Variants in OSTN observed in about 807,000 individuals in gnomAD.
OSTN encodes the protein osteocrin.
OSTN carries 9 observed loss-of-function variants against 12.0 expected under a neutral mutation model. That is an observed-to-expected ratio of 0.75 (90% CI 0.45 to 1.30). The LOEUF is 1.30. Among genes scored for constraint, OSTN ranks in the 50% most tolerant of loss-of-function variants. The pLI is 0.00. For synonymous variants in OSTN, 59 were observed against 56.9 expected (o/e 1.04, Z -0.16); for missense variants, 148 against 152.3 (o/e 0.97, Z 0.15).
At chr3:191,210,134 C>T (rs1272932136) in intron 1 of OSTN, among the ~76,000 whole-genome samples, 1 of 152,212 alleles carries the variant, frequency 6.6e-6, no homozygotes, top group Non-Finnish European at 1.5e-5. Context: ...CACGTCTTCA[C>T]ATGGCCAGAG....
chr3:191,218,973 CAG>C lies in OSTN; in HGVS notation c.317+14_317+15del, dbSNP rs1714696059. The C allele has an allele frequency of 6.3e-7, 1 of 1,585,006 alleles. No individual in the cohort carries two copies. The highest frequency in any genetic ancestry group is 8.6e-7 in the Non-Finnish European group (1 of 1,167,842). The stretch of plus-strand genomic sequence containing the variant: ...AAAGGTAAACAGAGGTAAGTGAACT[CAG>C]AAAAAGAAAGTTTTTATTTTCTAAT... On this transcript the variant is annotated intron_variant, in intron 3 of 4. Transcript: ENST00000682035.
At chr3:191,248,479 T>G (rs1715487959) in intron 3 of OSTN, among the ~76,000 whole-genome samples, 2 of 152,226 alleles carry the variant, frequency 1.3e-5, no homozygotes, top group Non-Finnish European at 2.9e-5. Context: ...TAAATAAGTA[T>G]AGTTTAATAA....
In OSTN at chr3:191,217,054, G is replaced by A. The variant is rs151261826; in HGVS notation, c.103-1693G>A. 1.8e-4 allele frequency: 28 copies of A among 152,340 alleles called. No individual in the cohort carries two copies. The East Asian group carries it at 5.4e-3, about 29-fold the overall frequency. 9.4% of individuals were successfully genotyped at this position (152,340 alleles called of 1,614,324 possible). On this transcript the variant is annotated intron_variant, in intron 2 of 4. Coordinates refer to ENST00000682035, the MANE Select transcript of OSTN (RefSeq NM_198184.2). ...CAGTGTGTTATTTATAAAGGAAAGA[G>A]GTTTAATTGACTTACAGTTCTGCAT...
intron 3 of OSTN, among the ~76,000 whole-genome samples, chr3:191,230,951 T>A (rs1274497785): frequency 6.6e-6 from 1 of 152,224 alleles, no homozygotes; most frequent in East Asian, 1.9e-4. Context: ...GCATGAGGCA[T>A]TTGCACAGAA....
At chr3:191,215,886 G>T (rs1017123663) in intron 2 of OSTN, among the ~76,000 whole-genome samples, 2 of 152,248 alleles carry the variant, frequency 1.3e-5, no homozygotes, top group East Asian at 1.9e-4. Flanking sequence ...TATCCAATTT[G>T]GGGCCTGGAG....
At chr3:191,226,678 A>T (rs1488217768) in intron 3 of OSTN, among the ~76,000 whole-genome samples, 1 of 152,204 alleles carries the variant, frequency 6.6e-6, no homozygotes, top group Non-Finnish European at 1.5e-5. Context: ...TTACAATAGC[A>T]TTGCCCATAG....
chr3:191,242,332 ACT>A (rs1471477463), intron 3 of OSTN, among the ~76,000 whole-genome samples: 2 of 152,194 alleles, frequency 1.3e-5, no homozygotes, highest in African/African-American at 4.8e-5. Flanking sequence ...CATTAAAAAC[ACT>A]CTAAATAAAT....
intron 4 of OSTN, among the ~76,000 whole-genome samples, chr3:191,256,446 A>C (rs908997797): frequency 6.6e-6 from 1 of 152,298 alleles, no homozygotes; most frequent in Non-Finnish European, 1.5e-5. Context: ...TCAAAAGTTT[A>C]AAATCCTTGA....
At chr3:191,201,640 A>T (rs1714155050) in intron 1 of OSTN, among the ~76,000 whole-genome samples, 1 of 152,174 alleles carries the variant, frequency 6.6e-6, no homozygotes, top group Non-Finnish European at 1.5e-5. Context: ...AAATAATGAT[A>T]ATGCACCAAA....
intron 3 of OSTN, among the ~76,000 whole-genome samples, chr3:191,220,465 G>A (rs1714734021): frequency 6.6e-6 from 1 of 151,974 alleles, no homozygotes; most frequent in African/African-American, 2.4e-5. Flanking sequence ...TGATAACATA[G>A]TATTATTTAT....
intron 1 of OSTN, among the ~76,000 whole-genome samples, chr3:191,202,977 A>G (rs927983815): frequency 6.6e-6 from 1 of 152,226 alleles, no homozygotes. Flanking sequence ...GAGAAATCCT[A>G]AAGTTTAGAG....
chr3:191,218,939 G>C lies in OSTN; in HGVS notation c.295G>C (p.Val99Leu). The C allele has an allele frequency of 6.2e-7, 1 of 1,613,918 alleles. No individual in the cohort carries two copies. The highest frequency in any genetic ancestry group is 8.5e-7 in the Non-Finnish European group (1 of 1,179,878). The change falls in exon 3 of 5, where the codon GTA (valine) becomes CTA (leucine). Residue 99 changes from valine to leucine, a missense_variant. By Grantham distance (32) the Val-to-Leu change is conservative. Transcript: ENST00000682035. The part of the protein sequence containing the change: ...SPLDRLSAGS[V>L]DHKGKQRKVV... ...CCTTGACAGACTCTCAGCTGGCTCT[G>C]TAGATCACAAAGGTAAACAGAGGTA...
At chr3:191,250,601 T>C (rs1446479904) in intron 4 of OSTN, among the ~76,000 whole-genome samples, 1 of 152,196 alleles carries the variant, frequency 6.6e-6, no homozygotes, top group African/African-American at 2.4e-5. Context: ...GCATTAGCCA[T>C]GGAATCAAAA....
chr3:191,204,517 AAG>A (rs1477094923), intron 1 of OSTN, among the ~76,000 whole-genome samples: 124 of 152,238 alleles, frequency 8.1e-4, no homozygotes, highest in African/African-American at 2.9e-3. Context: ...ACCCATTTCT[AAG>A]CTTCTAAGTG....
chr3:191,247,873 G>A (rs925791355), intron 3 of OSTN, among the ~76,000 whole-genome samples: 1 of 151,858 alleles, frequency 6.6e-6, no homozygotes, highest in Non-Finnish European at 1.5e-5. Context: ...TCGCGTTGTC[G>A]CCCAGGTTTG....
intron 1 of OSTN, among the ~76,000 whole-genome samples, chr3:191,200,254 G>T (rs1402578927): frequency 6.6e-6 from 1 of 152,074 alleles, no homozygotes; most frequent in Non-Finnish European, 1.5e-5. Flanking sequence ...GTAGATAACA[G>T]TTCAGGTCTC....
intron 3 of OSTN, among the ~76,000 whole-genome samples, chr3:191,226,753 A>G (rs1397522177): frequency 2.0e-5 from 3 of 152,232 alleles, no homozygotes; most frequent in East Asian, 3.8e-4. Context: ...ATGTATAAAA[A>G]GTAGCATCTC....
At chr3:191,246,044 G>A (rs1161935425) in intron 3 of OSTN, among the ~76,000 whole-genome samples, 6 of 132,990 alleles carry the variant, frequency 4.5e-5, no homozygotes, top group African/African-American at 9.1e-5. Flanking sequence ...TCCAGCCTGG[G>A]CAATAAGAGC....
At chr3:191,251,315 T>C (rs1715556670) in intron 4 of OSTN, among the ~76,000 whole-genome samples, 1 of 152,184 alleles carries the variant, frequency 6.6e-6, no homozygotes, top group Non-Finnish European at 1.5e-5. Flanking sequence ...AAATAAATGT[T>C]TTTTGAAGGT....
Sources: allele counts gnomAD v4.1 joint callset (sites outside exome capture counted in the v4.1 genomes callset), GRCh38; gene constraint gnomAD v4.1.1; transcripts MANE v1.5; gene names NCBI Gene and HGNC (gene_info 2026-07-23, HGNC 2026-07-21).